The following ARHGEF10L variants were observed in gnomAD, a reference collection of about 807,000 sequenced individuals.
ARHGEF10L encodes the protein Rho guanine nucleotide exchange factor 10 like.
ARHGEF10L carries 69 observed loss-of-function variants against 141.2 expected under a neutral mutation model. The observed-to-expected ratio is 0.49, with a 90% CI of 0.40 to 0.60. The LOEUF (loss-of-function observed/expected upper bound fraction) is 0.60, where lower values mean the gene tolerates loss of function less well. Ranked by LOEUF, ARHGEF10L falls within the 20% of genes least tolerant of loss-of-function variation. The pLI is 0.00. For synonymous variants in ARHGEF10L, 711 were observed against 718.5 expected (o/e 0.99, Z 0.17); for missense variants, 1,482 against 1,734.3 (o/e 0.85, Z 2.58).
chr1:17,525,670 TAAAC>T, the ARHGEF10L span, among the ~76,000 whole-genome samples: 14 of 151,486 alleles, frequency 9.2e-5, no homozygotes, highest in Admixed American at 6.6e-4. Context: ...AATAAATAAA[TAAAC>T]AAATAAATAA....
In ARHGEF10L at chr1:17,549,043, G is replaced by C. The variant is rs181871986; in HGVS notation, c.-44+9093G>C. On this transcript the variant is annotated intron_variant, in intron 1 of 28. Transcript: ENST00000361221. ...GTTTTGTTTTTGTTTTTGTTTTTGA[G>C]ATGGAGTGTTGCTCTGTCACCCCGG... Among the ~76,000 whole-genome samples, 24 of 151,078 alleles carry C rather than the reference G, an allele frequency of 1.6e-4. 1 individual carries two copies. The East Asian group carries it at 4.4e-3, about 27-fold the overall frequency.
At chr1:17,586,501 C>G (rs1433091064) in intron 2 of ARHGEF10L, among the ~76,000 whole-genome samples, 1 of 99,828 alleles carries the variant, frequency 1.0e-5, no homozygotes, top group East Asian at 8.0e-4. Flanking sequence ...TCCATTCAGC[C>G]CAGAGTTTAG....
At chr1:17,528,308 G>A in the ARHGEF10L span, among the ~76,000 whole-genome samples, 1 of 151,440 alleles carries the variant, frequency 6.6e-6, no homozygotes, top group African/African-American at 2.4e-5. Context: ...CTGAACTCCT[G>A]GGCTCAAGTG....
chr1:17,588,569 G>T, intron 4 of ARHGEF10L, 90 bp downstream of exon 4: 3 of 1,516,360 alleles, frequency 2.0e-6, no homozygotes, highest in Non-Finnish European at 1.8e-6. Context: ...AGGCCCAGAG[G>T]ACCCGACTGG....
intron 27 of ARHGEF10L, among the ~76,000 whole-genome samples, chr1:17,692,520 C>G (rs1388816988): frequency 6.6e-6 from 1 of 152,138 alleles, no homozygotes; most frequent in South Asian, 2.1e-4. Context: ...GTTCCTTCCT[C>G]TGCTCCACCT....
Position 17,621,733 on chromosome 1 carries a change from G to C in ARHGEF10L, c.943-131G>C. 2.6e-6 allele frequency: 2 copies of C among 777,884 alleles called. No individual in the cohort carries two copies. Among genetic ancestry groups the C allele is most frequent in the Non-Finnish European group, 4.4e-6 (2 of 452,148 alleles). The allele number at this position is 777,884 out of a possible 1,614,324, so 48.2% of individuals were successfully genotyped here. On this transcript the variant is annotated intron_variant, in intron 10 of 28. Transcript: ENST00000361221. This position sits in a 1 kb window ranked among gnomAD's most constrained non-coding sequence, Gnocchi z 4.1. ...CTCTGGAAGGAAGAGTGGCCACCAG[G>C]CCCAGTGGTCCCAGGTGGGACCTGG...
At chr1:17,582,809 C>A (rs2078689952) in intron 2 of ARHGEF10L, among the ~76,000 whole-genome samples, 1 of 152,078 alleles carries the variant, frequency 6.6e-6, no homozygotes, top group Non-Finnish European at 1.5e-5. Context: ...CGGAGGGGAG[C>A]TCACAGTCAC....
intron 1 of ARHGEF10L, among the ~76,000 whole-genome samples, chr1:17,574,496 C>T (rs1490042200): frequency 6.6e-6 from 1 of 152,178 alleles, no homozygotes; most frequent in Non-Finnish European, 1.5e-5. Flanking sequence ...ACAAACCTAC[C>T]AGTGTTGTCC....
intron 26 of ARHGEF10L, among the ~76,000 whole-genome samples, chr1:17,671,147 G>A (rs1266900135): frequency 6.6e-6 from 1 of 152,266 alleles, no homozygotes; most frequent in Non-Finnish European, 1.5e-5. Flanking sequence ...CCAGTTAGGG[G>A]TGAGTGTGCC....
At chr1:17,616,626 C>T (rs1280199208) in intron 9 of ARHGEF10L, among the ~76,000 whole-genome samples, 3 of 152,236 alleles carry the variant, frequency 2.0e-5, no homozygotes, top group East Asian at 1.9e-4. Context: ...CAGGGACCCA[C>T]GATGCATGTA....
chr1:17,663,528 T>C (rs998854883), intron 25 of ARHGEF10L, among the ~76,000 whole-genome samples: 1 of 146,742 alleles, frequency 6.8e-6, no homozygotes, highest in Non-Finnish European at 1.5e-5. Flanking sequence ...CAATCCAGCC[T>C]GGGAGACAGA....
chr1:17,629,316 G>A (rs773042132), intron 15 of ARHGEF10L, among the ~76,000 whole-genome samples: 2 of 151,940 alleles, frequency 1.3e-5, no homozygotes, highest in African/African-American at 4.8e-5. Context: ...CATGAGCCAC[G>A]GTGCCCGGCC....
At chr1:17,523,384 C>T in the ARHGEF10L span, among the ~76,000 whole-genome samples, 1,273 of 152,202 alleles carry the variant, frequency 8.4e-3, 9 homozygotes, top group Non-Finnish European at 0.013. Flanking sequence ...CCACCGCGCC[C>T]GGCCCACCAT....
intron 26 of ARHGEF10L, among the ~76,000 whole-genome samples, chr1:17,675,120 A>C (rs1355072699): frequency 6.6e-6 from 1 of 152,100 alleles, no homozygotes; most frequent in Non-Finnish European, 1.5e-5. Flanking sequence ...CCCCCTCCCC[A>C]GCCCTACCTG....
rs531121401 is a variant in ARHGEF10L at position 17,661,124 on chromosome 1, C to T, written c.2861-3323C>T. On this transcript the variant is annotated intron_variant, in intron 25 of 28. Transcript: ENST00000361221. ...TTTCTGAGACAGAGTTTCACTCTGT[C>T]ACCCAGGCTGGAGTGCAGTGGCACT... 7.2e-5 allele frequency among the ~76,000 whole-genome samples: 11 copies of T among 152,278 alleles called. No individual in the cohort carries two copies. The South Asian group carries it at 2.1e-3, about 29-fold the overall frequency.
intron 1 of ARHGEF10L, among the ~76,000 whole-genome samples, chr1:17,568,250 T>G (rs2077843225): frequency 6.6e-6 from 1 of 152,220 alleles, no homozygotes; most frequent in Admixed American, 6.5e-5. Context: ...ATTGAGCACT[T>G]ACTGTGTTCC....
rs74059351 is a variant in ARHGEF10L, at chr1:17,618,876, A to G, written c.836-463A>G. ...CTTTAGCTCTGCATGTTTTATTTCA[A>G]AAGGAAAGTGCCAAACCACGCTGCC... On this transcript the variant is annotated intron_variant, in intron 9 of 28. Transcript: ENST00000361221. Among the ~76,000 whole-genome samples, 1,494 of 151,968 alleles carry G rather than the reference A, an allele frequency of 9.8e-3. 24 individuals carry two copies. Among genetic ancestry groups the G allele is most frequent in the African/African-American group, 0.034 (1,423 of 41,432 alleles).
At chr1:17,620,902 G>A (rs147053617) in intron 10 of ARHGEF10L, among the ~76,000 whole-genome samples, 4 of 152,286 alleles carry the variant, frequency 2.6e-5, no homozygotes, top group Middle Eastern at 3.4e-3. Flanking sequence ...TTCAGAGGAC[G>A]GTAGAACTTC....
At chr1:17,631,272 G>GA (rs1307793170) in intron 15 of ARHGEF10L, among the ~76,000 whole-genome samples, 1 of 152,090 alleles carries the variant, frequency 6.6e-6, no homozygotes, top group Non-Finnish European at 1.5e-5. Flanking sequence ...CTCCCTCCCA[G>GA]AAAAAAATCC....
Sources: allele counts gnomAD v4.1 joint callset (sites outside exome capture counted in the v4.1 genomes callset), GRCh38; gene constraint gnomAD v4.1.1; non-coding constraint Gnocchi (gnomAD v3.1); transcripts MANE v1.5; gene names NCBI Gene and HGNC (gene_info 2026-07-23, HGNC 2026-07-21).